Variants in AGPS observed in about 807,000 individuals in gnomAD.
AGPS encodes alkylglycerone phosphate synthase.
A neutral mutation model predicts 90.7 loss-of-function variants in AGPS; 26 were observed. That is an observed-to-expected ratio of 0.29 (90% CI 0.21 to 0.40). The LOEUF (loss-of-function observed/expected upper bound fraction) is 0.40, where lower values mean the gene tolerates loss of function less well. AGPS is among the 10% of genes least tolerant of loss of function. The probability of loss-of-function intolerance (pLI) is 1.00; values close to 1 mark genes in which losing one functional copy is unlikely to be tolerated. For missense variants in AGPS, 540 were observed against 816.1 expected, an observed-to-expected ratio of 0.66 and a Z score of 4.12; for synonymous variants, 294 against 285.3, an observed-to-expected ratio of 1.03 and a Z score of -0.31.
chr2:177,466,227 A>G (rs556436346), intron 9 of AGPS, among the ~76,000 whole-genome samples: 1 of 152,294 alleles, frequency 6.6e-6, no homozygotes, highest in East Asian at 1.9e-4. Context: ...GTCAGCTCTC[A>G]GCAGAAAGGA....
chr2:177,495,934 AAAAAC>A lies in AGPS; in HGVS notation c.1286-1751_1286-1747del, dbSNP rs1304251169. 1.2e-3 allele frequency among the ~76,000 whole-genome samples: 187 copies of A among 151,348 alleles called. 1 individual carries two copies. Among genetic ancestry groups the A allele is most frequent in the African/African-American group, 4.4e-3 (181 of 41,274 alleles). The stretch of plus-strand genomic sequence containing the variant: ...CTCTGTCTCAAAAAAAAAAAAAAAA[AAAAAC>A]AAACCCACAATAGCTAGAATATATT... On this transcript the variant is annotated intron_variant, in intron 12 of 19. Transcript: ENST00000264167.
At chr2:177,475,814 G>A (rs1273651244) in intron 10 of AGPS, among the ~76,000 whole-genome samples, 3 of 152,050 alleles carry the variant, frequency 2.0e-5, no homozygotes, top group Non-Finnish European at 4.4e-5. Context: ...GCCTAGGAGT[G>A]GAGTTGCTGG....
rs1687523305 is a variant in AGPS, at chr2:177,468,561, G to A, written c.1105+37G>A. ...TGTAAATTTATTAAGAAAAAATACA[G>A]GTTAGTCATGCAGTTTTGTGAAAAT... On this transcript the variant is annotated intron_variant, in intron 10 of 19. Coordinates refer to ENST00000264167, the MANE Select transcript of AGPS (RefSeq NM_003659.4). 2.1e-6 allele frequency: 3 copies of A among 1,405,000 alleles called. No individual in the cohort carries two copies. In the African/African-American group the frequency reaches 4.3e-5, roughly 20 times the overall value. The allele number at this position is 1,405,000 out of a possible 1,614,324, so 87.0% of individuals were successfully genotyped here.
Position 177,420,355 on chromosome 2 carries a change from A to C in AGPS, c.347A>C (p.Lys116Thr). 6.2e-7 allele frequency: 1 copy of C among 1,601,226 alleles called. No individual in the cohort carries two copies. Among genetic ancestry groups the C allele is most frequent in the South Asian group, 1.1e-5 (1 of 90,784 alleles). Reference sequence around the variant, plus strand: ...AAGGGCCAAATTGAATTGACTGGGAAAAGGTAACCCTGGTTTATTTCTTCT... The same window carrying C: ...AAGGGCCAAATTGAATTGACTGGGACAAGGTAACCCTGGTTTATTTCTTCT... ...NKKGQIELTG[K>T]RYPLSGMGLP... The change falls in exon 2 of 20, where the codon AAA (lysine) becomes ACA (threonine). Residue 116 changes from lysine to threonine, a missense_variant. Transcript: ENST00000264167.
intron 9 of AGPS, among the ~76,000 whole-genome samples, chr2:177,462,425 G>T (rs897559701): frequency 1.3e-5 from 2 of 150,928 alleles, no homozygotes; most frequent in African/African-American, 4.9e-5. Context: ...AAAAGAGTTG[G>T]ATGGTAGATT....
chr2:177,456,432 A>G (rs1158943248), intron 8 of AGPS, among the ~76,000 whole-genome samples: 1 of 152,216 alleles, frequency 6.6e-6, no homozygotes, highest in Non-Finnish European at 1.5e-5. Flanking sequence ...GTAAATGACA[A>G]ATTTCAAACC....
chr2:177,426,863 A>G (rs1003692698), intron 2 of AGPS, among the ~76,000 whole-genome samples: 2 of 152,176 alleles, frequency 1.3e-5, no homozygotes, highest in Non-Finnish European at 2.9e-5. Flanking sequence ...AGGTTTTGGT[A>G]TCAAAATGAT....
At chr2:177,399,779 G>A (rs1464116133) in intron 1 of AGPS, among the ~76,000 whole-genome samples, 2 of 152,180 alleles carry the variant, frequency 1.3e-5, no homozygotes, top group African/African-American at 4.8e-5. Flanking sequence ...CCTTCCACCA[G>A]GATAACCACT....
At chr2:177,401,437 T>G (rs764359989) in intron 1 of AGPS, among the ~76,000 whole-genome samples, 12 of 152,238 alleles carry the variant, frequency 7.9e-5, no homozygotes, top group Non-Finnish European at 1.5e-4. Flanking sequence ...AACTGCCCAT[T>G]TCACAGATTA....
intron 2 of AGPS, among the ~76,000 whole-genome samples, chr2:177,421,978 G>T (rs10497507): frequency 3.9e-5 from 6 of 151,958 alleles, no homozygotes; most frequent in Admixed American, 3.3e-4. Flanking sequence ...CCATGTAATG[G>T]TTTATATGAG....
intron 1 of AGPS, among the ~76,000 whole-genome samples, chr2:177,418,053 T>C (rs1685837163): frequency 6.6e-6 from 1 of 152,124 alleles, no homozygotes; most frequent in Admixed American, 6.5e-5. Flanking sequence ...GTTTTGGGTA[T>C]AAATGCATTC....
chr2:177,417,518 A>G (rs565810261), intron 1 of AGPS, among the ~76,000 whole-genome samples: 22 of 152,364 alleles, frequency 1.4e-4, no homozygotes, highest in African/African-American at 5.1e-4. Flanking sequence ...ATGTAAATCA[A>G]AAAATGAGTT....
chr2:177,531,202 TA>T (rs2079134140), intron 19 of AGPS, among the ~76,000 whole-genome samples: 1 of 152,124 alleles, frequency 6.6e-6, no homozygotes, highest in Non-Finnish European at 1.5e-5. Flanking sequence ...AAAAGGCATA[TA>T]GATTGGAAAG....
intron 10 of AGPS, among the ~76,000 whole-genome samples, chr2:177,477,700 CT>C (rs1349785702): frequency 6.6e-6 from 1 of 152,120 alleles, no homozygotes; most frequent in African/African-American, 2.4e-5. Context: ...TTTTGTTTAT[CT>C]TTTCTGCTTC....
rs1574361376 is a variant in AGPS, at chr2:177,431,167, G to C, written c.351-3160G>C. 3.3e-5 allele frequency among the ~76,000 whole-genome samples: 5 copies of C among 152,264 alleles called. No individual in the cohort carries two copies. In the South Asian group the frequency reaches 8.3e-4, roughly 25 times the overall value. On this transcript the variant is annotated intron_variant, in intron 2 of 19. Transcript: ENST00000264167. ...GAATTTTACAGCTGGGCCGCCGGGG[G>C]TGATACCACATTATCGGTAGGTCCA...
chr2:177,394,633 G>A (rs891149510), intron 1 of AGPS, among the ~76,000 whole-genome samples: 2 of 152,190 alleles, frequency 1.3e-5, no homozygotes, highest in Non-Finnish European at 2.9e-5. Flanking sequence ...CAGTATAATG[G>A]CTGGGAACAT....
chr2:177,415,627 C>T (rs770101331), intron 1 of AGPS, among the ~76,000 whole-genome samples: 3 of 152,090 alleles, frequency 2.0e-5, no homozygotes, highest in Non-Finnish European at 4.4e-5. Flanking sequence ...TGATAATGTT[C>T]AAGAAGGCTC....
In AGPS at chr2:177,452,189, G is replaced by C. The variant is rs1021848588; in HGVS notation, c.870+6563G>C. ...TTGGTGAAGTAGTCTTTAAATGTCT[G>C]TTAGGTCAGATTGACTTATAATGTA... On this transcript the variant is annotated intron_variant, in intron 8 of 19. Transcript: ENST00000264167. Among the ~76,000 whole-genome samples the C allele has an allele frequency of 2.0e-5, 3 of 152,222 alleles. No individual in the cohort carries two copies. In the East Asian group the frequency reaches 5.8e-4, roughly 29 times the overall value.
In AGPS at chr2:177,436,897, A is replaced by G; in HGVS notation, c.562+13A>G. On this transcript the variant is annotated intron_variant, in intron 4 of 19. Coordinates refer to ENST00000264167, the MANE Select transcript of AGPS (RefSeq NM_003659.4). ...TTTAGAGCTCATGGTAAGTTACTTTATATTAGCCCTATTTATTTTTAACAA... is the reference window on the plus strand; with the variant it reads ...TTTAGAGCTCATGGTAAGTTACTTTGTATTAGCCCTATTTATTTTTAACAA... 6.2e-7 allele frequency: 1 copy of G among 1,611,990 alleles called. No homozygotes were observed. Among genetic ancestry groups the G allele is most frequent in the Non-Finnish European group, 8.5e-7 (1 of 1,178,618 alleles).
Sources: gnomAD v4.1 joint callset for allele counts (sites outside exome capture counted in the v4.1 genomes callset) on GRCh38, gnomAD v4.1.1 for gene constraint, MANE v1.5 for transcripts, NCBI Gene and HGNC (gene_info 2026-07-23, HGNC 2026-07-21) for gene names.